THSD4: variants seen among roughly 807,000 people sequenced by gnomAD.
THSD4 encodes the protein thrombospondin type-1 domain-containing protein 4.
In THSD4, 69 loss-of-function variants were observed where a neutral mutation model predicts 119.0. That is an observed-to-expected ratio of 0.58 (90% CI 0.48 to 0.71). THSD4 has a LOEUF of 0.71. Ranked by LOEUF, THSD4 falls within the 30% of genes least tolerant of loss-of-function variation. The pLI, the probability that THSD4 is intolerant of heterozygous loss-of-function variation, is 0.00. For synonymous variants in THSD4, 524 were observed against 540.4 expected (o/e 0.97, Z 0.42); for missense variants, 1,393 against 1,391.1 (o/e 1.00, Z -0.02).
chr15:71,117,898 G>A (rs535745353), intron 1 of THSD4, among the ~76,000 whole-genome samples: 3 of 152,294 alleles, frequency 2.0e-5, no homozygotes, highest in South Asian at 2.1e-4. Context: ...CAATATCATT[G>A]CCTTCAGGGA....
intron 6 of THSD4, among the ~76,000 whole-genome samples, chr15:71,298,253 A>G (rs1007784588): frequency 6.6e-6 from 1 of 152,228 alleles, no homozygotes; most frequent in Non-Finnish European, 1.5e-5. Context: ...GATCATAGAT[A>G]CAAGGATTTC....
intron 6 of THSD4, among the ~76,000 whole-genome samples, chr15:71,393,550 T>G (rs1487590702): frequency 6.6e-6 from 1 of 152,138 alleles, no homozygotes; most frequent in Non-Finnish European, 1.5e-5. Flanking sequence ...GTGTCCTTTG[T>G]GTCTGTCCCT....
intron 4 of THSD4, among the ~76,000 whole-genome samples, chr15:71,230,256 T>C (rs1711232672): frequency 6.6e-6 from 1 of 152,132 alleles, no homozygotes; most frequent in South Asian, 2.1e-4. Context: ...CAGGTTCAGA[T>C]TACAACCCAT....
At chr15:71,464,087 T>C (rs1318443561) in intron 7 of THSD4, among the ~76,000 whole-genome samples, 1 of 152,216 alleles carries the variant, frequency 6.6e-6, no homozygotes, top group Non-Finnish European at 1.5e-5. Flanking sequence ...TGTCCAGCCT[T>C]CTGCATTAGG....
At chr15:71,658,466 A>G (rs1324781966) in intron 7 of THSD4, among the ~76,000 whole-genome samples, 4 of 152,118 alleles carry the variant, frequency 2.6e-5, no homozygotes, top group Non-Finnish European at 5.9e-5. Context: ...AGGGCAGGCA[A>G]TGGGTGTTGA....
intron 7 of THSD4, among the ~76,000 whole-genome samples, chr15:71,583,079 A>T (rs2049591032): frequency 6.6e-6 from 1 of 152,116 alleles, no homozygotes; most frequent in South Asian, 2.1e-4. Context: ...GTTGAGAGGA[A>T]TTACTGATTC....
chr15:71,587,787 TAAAAAAAAAAAAGAAAAAAAAAAAAG>T (rs1221969547), intron 7 of THSD4, among the ~76,000 whole-genome samples: 1 of 105,554 alleles, frequency 9.5e-6, no homozygotes, highest in African/African-American at 3.6e-5. Context: ...AAAAAAAAAT[TAAAAAAAAAAAAGAAAAAAAAAAAAG>T]AAAAACCAAA....
intron 6 of THSD4, among the ~76,000 whole-genome samples, chr15:71,384,777 CTT>C (rs1254913420): frequency 6.6e-6 from 1 of 152,176 alleles, no homozygotes; most frequent in Non-Finnish European, 1.5e-5. Context: ...TTTAAATTAT[CTT>C]CAGTAAGACT....
chr15:71,255,618 T>C (rs1238521675), intron 5 of THSD4, among the ~76,000 whole-genome samples: 3 of 152,122 alleles, frequency 2.0e-5, no homozygotes, highest in Non-Finnish European at 4.4e-5. Context: ...AATTCCTGCT[T>C]CATGTGGGAC....
At chr15:71,408,121 C>A (rs189858269) in intron 6 of THSD4, among the ~76,000 whole-genome samples, 1 of 151,636 alleles carries the variant, frequency 6.6e-6, no homozygotes, top group Non-Finnish European at 1.5e-5. Flanking sequence ...ACAAAATCTG[C>A]TTAGAGAAGA....
chr15:71,599,867 A>G (rs2049973849), intron 7 of THSD4, among the ~76,000 whole-genome samples: 2 of 152,140 alleles, frequency 1.3e-5, no homozygotes, highest in Non-Finnish European at 1.5e-5. Context: ...CTTCCCCACA[A>G]TGCCCCCCAG....
chr15:71,489,377 G>A (rs902925008), intron 7 of THSD4, among the ~76,000 whole-genome samples: 2 of 152,050 alleles, frequency 1.3e-5, no homozygotes, highest in South Asian at 2.1e-4. Context: ...TATTTAAAAT[G>A]TTGTCTTATT....
At chr15:71,187,962 T>G (rs1043502710) in intron 3 of THSD4, among the ~76,000 whole-genome samples, 1 of 152,216 alleles carries the variant, frequency 6.6e-6, no homozygotes, top group African/African-American at 2.4e-5. Context: ...CCAGACATCC[T>G]GCTTTGTCTG....
At chr15:71,615,960 T>C (rs946988986) in intron 7 of THSD4, among the ~76,000 whole-genome samples, 3 of 152,214 alleles carry the variant, frequency 2.0e-5, no homozygotes, top group Admixed American at 6.5e-5. Flanking sequence ...CCTCACTGAA[T>C]AGAGGCTCCT....
At chr15:71,234,937 C>G (rs557470335) in intron 4 of THSD4, among the ~76,000 whole-genome samples, 1 of 152,226 alleles carries the variant, frequency 6.6e-6, no homozygotes, top group Non-Finnish European at 1.5e-5. Flanking sequence ...GATCCCCACA[C>G]TCACATCTCT....
intron 15 of THSD4, 108 bp from the exon 16 acceptor site, chr15:71,764,912 A>G: frequency 2.2e-6 from 3 of 1,367,004 alleles, no homozygotes; most frequent in Middle Eastern, 2.3e-4. Flanking sequence ...TTCCTCCTAG[A>G]ATTGGTGGTA....
chr15:71,283,943 T>A (rs1032665966), intron 6 of THSD4, among the ~76,000 whole-genome samples: 1 of 151,994 alleles, frequency 6.6e-6, no homozygotes, highest in African/African-American at 2.4e-5. Context: ...CTGTTGGGAT[T>A]CTTTACTTTA....
At chr15:71,112,656 A>G (rs764786972), upstream of THSD4, among the ~76,000 whole-genome samples, 7 of 152,194 alleles carry the variant, frequency 4.6e-5, no homozygotes, top group African/African-American at 1.2e-4. Flanking sequence ...AGGTAAGCAC[A>G]GGCTAGCCTT....
chr15:71,737,955 T>C lies in THSD4; in HGVS notation c.1854T>C (p.Asp618=), dbSNP rs1463257253. The change falls in exon 11 of 18, where the codon GAT becomes GAC. Residue 618 remains aspartate, a synonymous_variant. Transcript: ENST00000261862. ...CGCAGCCCCCACGGCGCAGCCGGGA[T>C]CACAACTGGAAGCAGCTTGGGACAA... The part of the protein sequence containing the change: ...PAPQPPRRSR[D]HNWKQLGTTE... 4.3e-6 allele frequency: 7 copies of C among 1,613,994 alleles called. No individual in the cohort carries two copies. The highest frequency in any genetic ancestry group is 5.9e-6 in the Non-Finnish European group (7 of 1,179,914).
Sources: gnomAD v4.1 joint callset for allele counts (sites outside exome capture counted in the v4.1 genomes callset) on GRCh38, gnomAD v4.1.1 for gene constraint, MANE v1.5 for transcripts, NCBI Gene and HGNC (gene_info 2026-07-23, HGNC 2026-07-21) for gene names.